DNAAF11: variants seen among roughly 807,000 people sequenced by gnomAD.
DNAAF11 encodes the protein dynein axonemal assembly factor 11, also known as leucine rich repeat containing 6.
DNAAF11 carries 45 observed loss-of-function variants against 60.8 expected under a neutral mutation model. The ratio of observed to expected loss-of-function variants is 0.74; its 90% CI spans 0.58 to 0.95. DNAAF11 has a LOEUF of 0.95. Among genes scored for constraint, DNAAF11 ranks in the 40% least tolerant of loss-of-function variants. The pLI, the probability that DNAAF11 is intolerant of heterozygous loss-of-function variation, is 0.00. For missense variants in DNAAF11, 546 were observed against 546.2 expected, an observed-to-expected ratio of 1.00 and a Z score of 0.00; for synonymous variants, 191 against 183.5, an observed-to-expected ratio of 1.04 and a Z score of -0.33.
chr8:132,611,005 C>G (rs1383151596), intron 9 of DNAAF11, among the ~76,000 whole-genome samples: 1 of 152,160 alleles, frequency 6.6e-6, no homozygotes, highest in Non-Finnish European at 1.5e-5. Context: ...AGCAATTCTC[C>G]TGCTTCAATC....
chr8:132,648,593 T>C lies in DNAAF11; in HGVS notation c.256+8237A>G, dbSNP rs185744105. ...TTGTCCCTGTGTGCAGATGACATGATTGTATATTTAGAAAACCCCATTGTC... is the reference window on the plus strand; with the variant it reads ...TTGTCCCTGTGTGCAGATGACATGACTGTATATTTAGAAAACCCCATTGTC... On this transcript the variant is annotated intron_variant, in intron 3 of 11. Transcript: ENST00000620350. 2.2e-3 allele frequency among the ~76,000 whole-genome samples: 331 copies of C among 152,334 alleles called. 1 individual carries two copies. Among genetic ancestry groups the C allele is most frequent in the Non-Finnish European group, 3.5e-3 (236 of 68,040 alleles).
chr8:132,701,606 G>T, the DNAAF11 span, among the ~76,000 whole-genome samples: 1 of 152,180 alleles, frequency 6.6e-6, no homozygotes, highest in African/African-American at 2.4e-5. Context: ...AAGGGAGGAA[G>T]AAAAGGAAGG....
chr8:132,693,175 G>A, the DNAAF11 span, among the ~76,000 whole-genome samples: 2 of 152,008 alleles, frequency 1.3e-5, no homozygotes, highest in East Asian at 1.9e-4. Context: ...ATGGAGAAGG[G>A]GACCCAGGGA....
intron 7 of DNAAF11, among the ~76,000 whole-genome samples, chr8:132,619,968 A>T (rs1819590683): frequency 6.6e-6 from 1 of 152,170 alleles, no homozygotes; most frequent in African/African-American, 2.4e-5. Context: ...GAGGAAAAGA[A>T]ATCTCCTGAT....
At chr8:132,629,341 C>T (rs7462984) in intron 5 of DNAAF11, among the ~76,000 whole-genome samples, 76,537 of 147,876 alleles carry the variant, frequency 0.52, 22,555 homozygotes, top group African/African-American at 0.83. Context: ...TACCCATTCT[C>T]TTTTTTTTTT....
chr8:132,677,966 A>G (rs2130934740), upstream of DNAAF11, among the ~76,000 whole-genome samples: 1 of 152,292 alleles, frequency 6.6e-6, no homozygotes, highest in African/African-American at 2.4e-5. Flanking sequence ...TCACCTCCTT[A>G]AGGCTATGCC....
chr8:132,599,747 AT>A (rs1817405408), intron 10 of DNAAF11, among the ~76,000 whole-genome samples: 1 of 152,220 alleles, frequency 6.6e-6, no homozygotes, highest in African/African-American at 2.4e-5. Flanking sequence ...AAAACTCTGA[AT>A]AAATTAGGTA....
chr8:132,674,010 GAGA>G (rs1825436580), intron 1 of DNAAF11, among the ~76,000 whole-genome samples: 2 of 151,914 alleles, frequency 1.3e-5, no homozygotes, highest in Admixed American at 6.6e-5. Context: ...GAAGGAGAAG[GAGA>G]AGGAGGAGAA....
intron 7 of DNAAF11, among the ~76,000 whole-genome samples, chr8:132,621,026 T>A (rs1205138207): frequency 6.6e-6 from 1 of 152,064 alleles, no homozygotes; most frequent in Non-Finnish European, 1.5e-5. Flanking sequence ...GGGTGAAAGA[T>A]CTTCAATGAA....
intron 4 of DNAAF11, among the ~76,000 whole-genome samples, chr8:132,635,020 G>A (rs1821156038): frequency 1.3e-5 from 2 of 151,992 alleles, no homozygotes; most frequent in South Asian, 4.2e-4. Flanking sequence ...TTCCTAAAAG[G>A]CTATGACAAC....
intron 5 of DNAAF11, among the ~76,000 whole-genome samples, chr8:132,630,666 T>C (rs552595521): frequency 6.6e-6 from 1 of 152,148 alleles, no homozygotes; most frequent in East Asian, 1.9e-4. Flanking sequence ...ATCCAGAATC[T>C]AAAAGAACTC....
intron 6 of DNAAF11, among the ~76,000 whole-genome samples, chr8:132,624,371 T>C (rs1057482814): frequency 1.3e-5 from 2 of 152,154 alleles, no homozygotes; most frequent in Admixed American, 1.3e-4. Context: ...AAGACATGCA[T>C]ACATAATCTT....
chr8:132,648,454 C>T (rs1184185852), intron 3 of DNAAF11, among the ~76,000 whole-genome samples: 4 of 152,138 alleles, frequency 2.6e-5, no homozygotes, highest in Non-Finnish European at 5.9e-5. Flanking sequence ...TGGCACAAGA[C>T]AGGGATGCCC....
chr8:132,607,366 G>T (rs59041441), intron 10 of DNAAF11, among the ~76,000 whole-genome samples: 11,610 of 152,108 alleles, frequency 0.076, 1,191 homozygotes, highest in African/African-American at 0.24. Context: ...GTATGCCATC[G>T]ACCCAGTGGT....
At chr8:132,586,769 T>C (rs1171428797) in intron 10 of DNAAF11, among the ~76,000 whole-genome samples, 1 of 152,168 alleles carries the variant, frequency 6.6e-6, no homozygotes, top group African/African-American at 2.4e-5. Context: ...AGATGTTGAC[T>C]GAGACCTTTG....
At chr8:132,637,814 C>T (rs1821449807) in intron 4 of DNAAF11, 121 bp downstream of exon 4, 2 of 749,422 alleles carry the variant, frequency 2.7e-6, no homozygotes, top group Admixed American at 2.8e-5. Flanking sequence ...TTACTTTGGG[C>T]TCTCTGGAAT....
chr8:132,652,163 A>C (rs1823082901), intron 3 of DNAAF11, among the ~76,000 whole-genome samples: 1 of 152,196 alleles, frequency 6.6e-6, no homozygotes, highest in Admixed American at 6.5e-5. Context: ...GTCTGCCTCT[A>C]TTCCATGGCC....
chr8:132,700,840 G>A, the DNAAF11 span, among the ~76,000 whole-genome samples: 8 of 152,188 alleles, frequency 5.3e-5, no homozygotes, highest in African/African-American at 1.9e-4. Flanking sequence ...AGAAAAGGGT[G>A]TTATAGGAAT....
At chr8:132,622,224 T>C (rs925036796) in intron 7 of DNAAF11, among the ~76,000 whole-genome samples, 2 of 152,188 alleles carry the variant, frequency 1.3e-5, no homozygotes, top group African/African-American at 2.4e-5. Flanking sequence ...CTCCAGAGTA[T>C]AAAGTAGATG....
Sources: allele counts gnomAD v4.1 joint callset (sites outside exome capture counted in the v4.1 genomes callset), GRCh38; gene constraint gnomAD v4.1.1; transcripts MANE v1.5; gene names NCBI Gene and HGNC (gene_info 2026-07-23, HGNC 2026-07-21).